The following RBFOX1 variants were observed in gnomAD, a reference collection of about 807,000 sequenced individuals.
RBFOX1 encodes the protein RNA binding protein fox-1 homolog 1.
In RBFOX1, 8 loss-of-function variants were observed where a neutral mutation model predicts 57.7. The ratio of observed to expected loss-of-function variants is 0.14; its 90% CI spans 0.08 to 0.25. The LOEUF is 0.25. RBFOX1 is among the 10% of genes least tolerant of loss of function. The probability of loss-of-function intolerance (pLI) is 1.00; values close to 1 mark genes in which losing one functional copy is unlikely to be tolerated. For synonymous variants in RBFOX1, 326 were observed against 222.4 expected (o/e 1.47, Z -4.15); for missense variants, 611 against 548.5 (o/e 1.11, Z -1.14).
intron 4 of RBFOX1, among the ~76,000 whole-genome samples, chr16:5,888,616 G>A (rs1032663517): frequency 6.6e-6 from 1 of 151,818 alleles, no homozygotes; most frequent in African/African-American, 2.4e-5. Context: ...ACCAACATGG[G>A]GAAACCTCGT....
chr16:5,775,096 G>C (rs1052996430), intron 3 of RBFOX1, among the ~76,000 whole-genome samples: 1 of 152,132 alleles, frequency 6.6e-6, no homozygotes, highest in African/African-American at 2.4e-5. Context: ...AGTGAATATA[G>C]CTTGATCCTT....
chr16:5,938,642 C>G (rs763392733), intron 4 of RBFOX1, among the ~76,000 whole-genome samples: 1 of 152,226 alleles, frequency 6.6e-6, no homozygotes, highest in East Asian at 1.9e-4. Context: ...ACAGACCTGA[C>G]TTTGCAATTT....
At chr16:6,196,268 C>A (rs1266076622) in intron 1 of RBFOX1, among the ~76,000 whole-genome samples, 1 of 152,204 alleles carries the variant, frequency 6.6e-6, no homozygotes, top group African/African-American at 2.4e-5. Context: ...GCTTTTTTTA[C>A]CCCTGCACCA....
At position 5,595,504 on chromosome 16, in the gene RBFOX1, A is replaced by G. The variant is rs149534803; in HGVS notation, c.259-3398A>G. 5.1e-3 allele frequency among the ~76,000 whole-genome samples: 773 copies of G among 152,314 alleles called. 3 individuals carry two copies. The highest frequency in any genetic ancestry group is 0.018 in the African/African-American group (743 of 41,560). On this transcript the variant is annotated intron_variant, in intron 2 of 2. Transcript: ENST00000585867. ...GAGAAGAATGGCAGACAGCGACCAG[A>G]GTGACAGCTGGTTCGGGACCCTGGT...
intron 4 of RBFOX1, among the ~76,000 whole-genome samples, chr16:5,962,109 A>G (rs1244009666): frequency 6.6e-6 from 1 of 152,190 alleles, no homozygotes; most frequent in Non-Finnish European, 1.5e-5. Flanking sequence ...TATGATGAAT[A>G]AAGGAGCAAA....
intron 1 of RBFOX1, among the ~76,000 whole-genome samples, chr16:6,216,901 C>T (rs1201751556): frequency 6.6e-6 from 1 of 151,650 alleles, no homozygotes. Flanking sequence ...CTTGGAAGCT[C>T]TTCTTTGATA....
intron 3 of RBFOX1, among the ~76,000 whole-genome samples, chr16:7,038,205 C>A (rs114938529): frequency 2.0e-5 from 3 of 152,120 alleles, no homozygotes; most frequent in Middle Eastern, 3.4e-3. Context: ...CCCAGGAGAC[C>A]GGTTCAGGGA....
At chr16:7,236,550 T>A (rs985630759) in intron 4 of RBFOX1, among the ~76,000 whole-genome samples, 3 of 152,204 alleles carry the variant, frequency 2.0e-5, no homozygotes, top group Non-Finnish European at 4.4e-5. Context: ...TCTGTTTTGG[T>A]AATTACTGTC....
intron 3 of RBFOX1, among the ~76,000 whole-genome samples, chr16:6,978,309 A>T (rs1394572618): frequency 6.6e-6 from 1 of 152,224 alleles, no homozygotes; most frequent in South Asian, 2.1e-4. Context: ...TATGCAAGAA[A>T]TTGGGATTCT....
chr16:5,937,305 G>C (rs528952200), intron 4 of RBFOX1, among the ~76,000 whole-genome samples: 1 of 152,312 alleles, frequency 6.6e-6, no homozygotes, highest in South Asian at 2.1e-4. Context: ...ACACTGGAAA[G>C]AGAGAAGTGA....
At chr16:5,620,243 A>G (rs775841579) in intron 3 of RBFOX1, among the ~76,000 whole-genome samples, 30 of 152,080 alleles carry the variant, frequency 2.0e-4, no homozygotes, top group Admixed American at 7.2e-4. Context: ...GTGGAGGGGA[A>G]AGCTGAGCTT....
chr16:7,157,412 G>A (rs905002859), intron 4 of RBFOX1, among the ~76,000 whole-genome samples: 3 of 152,084 alleles, frequency 2.0e-5, no homozygotes, highest in South Asian at 2.1e-4. Context: ...AATGCACTTA[G>A]GATCTAGTGT....
chr16:7,593,097 G>A (rs1388918082), intron 7 of RBFOX1, among the ~76,000 whole-genome samples: 1 of 151,770 alleles, frequency 6.6e-6, no homozygotes, highest in African/African-American at 2.4e-5. Context: ...TTACAGGTGT[G>A]AGCCACCATG....
At chr16:6,610,572 C>T (rs1374690372) in intron 2 of RBFOX1, among the ~76,000 whole-genome samples, 1 of 152,132 alleles carries the variant, frequency 6.6e-6, no homozygotes, top group East Asian at 1.9e-4. Flanking sequence ...TCACAGGATC[C>T]TCCCACCTTA....
intron 1 of RBFOX1, among the ~76,000 whole-genome samples, chr16:6,055,510 A>G (rs1364483831): frequency 6.8e-6 from 1 of 147,492 alleles, no homozygotes; most frequent in Non-Finnish European, 1.5e-5. Context: ...GGAGAATGGC[A>G]TGAACCCAGG....
At chr16:5,259,333 C>A (rs1316835494) in intron 1 of RBFOX1, among the ~76,000 whole-genome samples, 4 of 152,136 alleles carry the variant, frequency 2.6e-5, no homozygotes, top group Non-Finnish European at 4.4e-5. Context: ...TCAGCTAGGA[C>A]CTATGTTTGC....
At chr16:6,862,723 A>G (rs570201783) in intron 3 of RBFOX1, among the ~76,000 whole-genome samples, 10 of 152,254 alleles carry the variant, frequency 6.6e-5, no homozygotes, top group African/African-American at 2.4e-4. Context: ...TGTGGCTCAC[A>G]CCTGTAATCC....
At chr16:5,427,624 CAA>C (rs1272600922) in intron 1 of RBFOX1, among the ~76,000 whole-genome samples, 2 of 146,374 alleles carry the variant, frequency 1.4e-5, no homozygotes, top group Non-Finnish European at 3.0e-5. Context: ...CAAAACAAAA[CAA>C]ATCACCCTGC....
chr16:6,847,214 T>G (rs543775902), intron 3 of RBFOX1, among the ~76,000 whole-genome samples: 8 of 152,258 alleles, frequency 5.3e-5, no homozygotes, highest in African/African-American at 1.9e-4. Context: ...TAATACTGCA[T>G]AACAACATTT....
Sources: gnomAD v4.1 joint callset for allele counts (sites outside exome capture counted in the v4.1 genomes callset) on GRCh38, gnomAD v4.1.1 for gene constraint, MANE v1.5 for transcripts, NCBI Gene and HGNC (gene_info 2026-07-23, HGNC 2026-07-21) for gene names.